Variants in UBR2 observed in about 807,000 individuals in gnomAD.
The protein encoded by UBR2 is E3 ubiquitin-protein ligase UBR2.
In UBR2, 92 loss-of-function variants were observed where a neutral mutation model predicts 247.9. The observed-to-expected ratio is 0.37, with a 90% CI of 0.31 to 0.44. The LOEUF (loss-of-function observed/expected upper bound fraction) is 0.44. Ranked by LOEUF, UBR2 falls within the 20% of genes least tolerant of loss-of-function variation. The pLI is 1.00. For missense variants in UBR2, 1,613 were observed against 2,112.6 expected, an observed-to-expected ratio of 0.76 and a Z score of 4.64; for synonymous variants, 672 against 693.5, an observed-to-expected ratio of 0.97 and a Z score of 0.49.
intron 7 of UBR2, among the ~76,000 whole-genome samples, chr6:42,610,029 A>T (rs1793972349): frequency 6.6e-6 from 1 of 151,656 alleles, no homozygotes; most frequent in Non-Finnish European, 1.5e-5. Flanking sequence ...TAAATATATA[A>T]ATAAAAATGG....
chr6:42,644,600 G>A (rs1031834542), intron 20 of UBR2, 64 bp downstream of exon 20: 6 of 1,377,482 alleles, frequency 4.4e-6, no homozygotes, highest in Non-Finnish European at 6.1e-6. Flanking sequence ...CAAATAGTTT[G>A]GAATTTCTGG....
intron 15 of UBR2, among the ~76,000 whole-genome samples, chr6:42,638,010 G>A (rs1010969671): frequency 1.3e-5 from 2 of 152,156 alleles, no homozygotes; most frequent in African/African-American, 2.4e-5. Context: ...GTAGCTTAAT[G>A]TGATGTGAGG....
chr6:42,575,070 A>G (rs1354884822), intron 2 of UBR2, among the ~76,000 whole-genome samples: 2 of 152,202 alleles, frequency 1.3e-5, no homozygotes, highest in Non-Finnish European at 2.9e-5. Context: ...ATAAATACAG[A>G]TGGGAATATG....
intron 2 of UBR2, among the ~76,000 whole-genome samples, chr6:42,582,732 A>G (rs957231495): frequency 6.6e-6 from 1 of 152,196 alleles, no homozygotes; most frequent in African/African-American, 2.4e-5. Context: ...TCCTTAAAAT[A>G]ATAACCTCAT....
chr6:42,595,974 G>A (rs1414908806), intron 4 of UBR2, among the ~76,000 whole-genome samples: 3 of 151,296 alleles, frequency 2.0e-5, no homozygotes, highest in Non-Finnish European at 1.5e-5. Flanking sequence ...AGTTGATTGG[G>A]GTTCTGTATG....
chr6:42,678,783 T>G, intron 41 of UBR2, 114 bp downstream of exon 41: 1 of 1,141,784 alleles, frequency 8.8e-7, no homozygotes, highest in Non-Finnish European at 1.2e-6. Context: ...AATAGCTTAT[T>G]GACTATGGTG....
chr6:42,641,760 C>A, intron 17 of UBR2, 68 bp downstream of exon 17: 1 of 1,295,788 alleles, frequency 7.7e-7, no homozygotes. Flanking sequence ...TTGTAATTTT[C>A]AGTGGACTTA....
At chr6:42,598,337 A>G (rs1027641972) in intron 4 of UBR2, among the ~76,000 whole-genome samples, 3 of 152,224 alleles carry the variant, frequency 2.0e-5, no homozygotes, top group Non-Finnish European at 2.9e-5. Context: ...TTAACGTAGT[A>G]TTTGTAGTTG....
In UBR2 at chr6:42,637,195, G is replaced by A; in HGVS notation, c.1858+1G>A. The A allele has an allele frequency of 6.2e-7, 1 of 1,608,144 alleles. No homozygotes were observed. Among genetic ancestry groups the A allele is most frequent in the Non-Finnish European group, 8.5e-7 (1 of 1,176,210 alleles). ...CTCCCAGTTTCTCGCTTACTTGCAG[G>A]TAAAGCATTTCCCCTAAAATAAAAC... On this transcript the variant is annotated splice_donor_variant, in intron 15 of 46. Transcript: ENST00000372901. LOFTEE classifies it high-confidence loss of function.
chr6:42,652,142 T>C, intron 24 of UBR2, 71 bp downstream of exon 24: 1 of 1,380,674 alleles, frequency 7.2e-7, no homozygotes, highest in Non-Finnish European at 9.9e-7. Flanking sequence ...CTGTTAACTA[T>C]GATGATTGTC....
intron 11 of UBR2, chr6:42,619,437 A>ATTTTTT (rs1426180041): frequency 4.7e-5 from 1 of 21,204 alleles, no homozygotes; most frequent in Non-Finnish European, 9.3e-5. Flanking sequence ...ATATATATAT[A>ATTTTTT]TATATATATA....
rs1339095886 is a variant in UBR2, at chr6:42,658,276, C to T, written c.3019C>T (p.Pro1007Ser). 6.2e-7 allele frequency: 1 copy of T among 1,613,526 alleles called. No individual in the cohort carries two copies. Among genetic ancestry groups the T allele is most frequent in the Non-Finnish European group, 8.5e-7 (1 of 1,179,850 alleles). The change falls in exon 28 of 47, where the codon CCT (proline) becomes TCT (serine). Residue 1007 changes from proline to serine, a missense_variant. Around this residue, in one of 3 missense-constraint regions of UBR2, gnomAD observed 1,524 missense variants for 1,967.3 expected, o/e 0.77. Coordinates refer to ENST00000372901, the MANE Select transcript of UBR2 (RefSeq NM_001363705.2). ...TGTTAAAAAGATGAGGGAGAGTTCA[C>T]CTACCAGTCCCGTGGCAGAGACAGA... is the stretch of plus-strand genomic sequence containing the variant. ...NAVKKMRESS[P>S]TSPVAETEGT...
intron 44 of UBR2, among the ~76,000 whole-genome samples, chr6:42,685,866 C>A (rs1201525470): frequency 6.6e-6 from 1 of 151,390 alleles, no homozygotes; most frequent in Non-Finnish European, 1.5e-5. Context: ...GACAGCGAGA[C>A]CTTGTCTCAA....
At chr6:42,568,984 C>T (rs1023959625) in intron 1 of UBR2, among the ~76,000 whole-genome samples, 1 of 152,170 alleles carries the variant, frequency 6.6e-6, no homozygotes, top group Non-Finnish European at 1.5e-5. Flanking sequence ...TAGGGATGCT[C>T]AACCTGTGTC....
At chr6:42,672,040 C>CT (rs56166922) in intron 36 of UBR2, among the ~76,000 whole-genome samples, 33,780 of 149,492 alleles carry the variant, frequency 0.23, 3,756 homozygotes, top group Middle Eastern at 0.26. Context: ...AAATTGAAGT[C>CT]TTTTTTTTTT....
chr6:42,654,049 A>G (rs750424354), intron 25 of UBR2, among the ~76,000 whole-genome samples: 1 of 152,230 alleles, frequency 6.6e-6, no homozygotes, highest in Non-Finnish European at 1.5e-5. Flanking sequence ...GCTTGAAAGC[A>G]GTAAAACCAG....
chr6:42,599,025 A>T (rs1215745257), intron 4 of UBR2, among the ~76,000 whole-genome samples: 2 of 152,148 alleles, frequency 1.3e-5, no homozygotes, highest in East Asian at 3.8e-4. Context: ...GAACTCAAGC[A>T]GAGTCATCCT....
Position 42,688,267 on chromosome 6 carries a change from G to A in UBR2, c.4905G>A (p.Val1635=). The change falls in exon 45 of 47, where the codon GTG becomes GTA. Residue 1635 remains valine, a synonymous_variant. Transcript: ENST00000372901. ...DKSRAPTLCL[V]CGSLLCSQSY... ...GCAGAGCCCCAACTCTGTGCCTTGT[G>A]TGCGGATCTCTGCTGTGCTCCCAGA... 1 of 1,614,144 alleles carries A rather than the reference G, an allele frequency of 6.2e-7. No homozygotes were observed. Among genetic ancestry groups the A allele is most frequent in the Non-Finnish European group, 8.5e-7 (1 of 1,180,042 alleles).
chr6:42,678,830 A>G (rs1371696863), intron 41 of UBR2, among the ~76,000 whole-genome samples, 161 bp downstream of exon 41: 1 of 152,218 alleles, frequency 6.6e-6, no homozygotes, highest in African/African-American at 2.4e-5. Context: ...ATGTTTATGC[A>G]TATGTCTCCA....
Sources: allele counts gnomAD v4.1 joint callset (sites outside exome capture counted in the v4.1 genomes callset), GRCh38; gene constraint gnomAD v4.1.1; regional missense constraint gnomAD v4.1.1; transcripts MANE v1.5; gene names NCBI Gene and HGNC (gene_info 2026-07-23, HGNC 2026-07-21).